UNC5B: variants seen among roughly 807,000 people sequenced by gnomAD.
UNC5B encodes netrin receptor UNC5B.
Under a neutral mutation model 103.7 loss-of-function variants are expected in UNC5B, and 56 were observed. The observed-to-expected ratio is 0.54, with a 90% confidence interval of 0.44 to 0.67. The LOEUF (loss-of-function observed/expected upper bound fraction) is 0.67. UNC5B is among the 30% of genes least tolerant of loss of function. The pLI is 0.00. For missense variants in UNC5B, 1,194 were observed against 1,284.5 expected, an observed-to-expected ratio of 0.93 and a Z score of 1.08; for synonymous variants, 577 against 542.0, an observed-to-expected ratio of 1.06 and a Z score of -0.90.
rs763723775 is a variant in UNC5B, at chr10:71,293,399, C to T, written c.1773-6C>T. The stretch of plus-strand genomic sequence containing the variant: ...TGCCTCTCTCCTACCCTGTGTCCTC[C>T]TCCAGCCCGCTTTCAGAAGGGACCC... On this transcript the variant is annotated splice_polypyrimidine_tract_variant and splice_region_variant and intron_variant, in intron 11 of 16. Coordinates refer to ENST00000335350, the MANE Select transcript of UNC5B (RefSeq NM_170744.5). 2.5e-6 allele frequency: 4 copies of T among 1,610,282 alleles called. No individual in the cohort carries two copies. Among genetic ancestry groups the T allele is most frequent in the Admixed American group, 1.7e-5 (1 of 59,768 alleles).
At chr10:71,273,180 C>T (rs1432362514) in intron 1 of UNC5B, among the ~76,000 whole-genome samples, 1 of 152,268 alleles carries the variant, frequency 6.6e-6, no homozygotes, top group African/African-American at 2.4e-5. Flanking sequence ...TGAGCCGCCG[C>T]GCCCGGCCCA....
At chr10:71,271,866 G>A (rs768385359) in intron 1 of UNC5B, among the ~76,000 whole-genome samples, 1 of 152,230 alleles carries the variant, frequency 6.6e-6, no homozygotes, top group Non-Finnish European at 1.5e-5. Flanking sequence ...TGCAGAGGGT[G>A]TGGGAAGAGG....
intron 1 of UNC5B, among the ~76,000 whole-genome samples, chr10:71,225,231 C>T (rs969907892): frequency 3.3e-5 from 5 of 149,764 alleles, no homozygotes; most frequent in African/African-American, 1.2e-4. Context: ...TGAGAAAACA[C>T]CCAGAGAGGT....
intron 2 of UNC5B, among the ~76,000 whole-genome samples, chr10:71,282,837 C>T (rs1844965243): frequency 6.6e-6 from 1 of 151,788 alleles, no homozygotes; most frequent in Non-Finnish European, 1.5e-5. Flanking sequence ...AGTTGTGGGG[C>T]CGGGCGCAGT....
At position 71,296,530 on chromosome 10, in the gene UNC5B, A is replaced by G. The variant is rs370926215; in HGVS notation, c.2326-48A>G. ...CCTGAGCCTCCATTTCTATGAGGAC[A>G]GGGCAGGCTGGCCTTGCCTGCCTGG... On this transcript the variant is annotated intron_variant, in intron 14 of 16. Coordinates refer to ENST00000335350, the MANE Select transcript of UNC5B (RefSeq NM_170744.5). The G allele has an allele frequency of 9.4e-6, 15 of 1,599,212 alleles. No homozygotes were observed. The African/African-American group carries it at 1.9e-4, about 20-fold the overall frequency.
chr10:71,249,835 TA>T (rs1293970927), intron 1 of UNC5B, among the ~76,000 whole-genome samples: 2 of 152,172 alleles, frequency 1.3e-5, no homozygotes, highest in Non-Finnish European at 2.9e-5. Context: ...AGGTCCCTCT[TA>T]GGGGCACTGG....
intron 1 of UNC5B, among the ~76,000 whole-genome samples, chr10:71,273,765 C>T (rs1468884036): frequency 6.6e-6 from 1 of 152,214 alleles, no homozygotes; most frequent in Admixed American, 6.5e-5. Context: ...TAGTGTGTTC[C>T]CTGCCCTCCA....
At chr10:71,293,652 C>A (rs781329596) in intron 12 of UNC5B, 48 bp from the exon 13 acceptor site, 2 of 1,605,918 alleles carry the variant, frequency 1.2e-6, no homozygotes, top group Non-Finnish European at 1.7e-6. Flanking sequence ...TCCTCTGGCC[C>A]AGCCTGAATA....
At chr10:71,231,780 A>T (rs1169697980) in intron 1 of UNC5B, among the ~76,000 whole-genome samples, 1 of 152,168 alleles carries the variant, frequency 6.6e-6, no homozygotes, top group Non-Finnish European at 1.5e-5. Flanking sequence ...TGTTAAAAAG[A>T]GACTAGCTTG....
intron 14 of UNC5B, 32 bp from the exon 15 acceptor site, chr10:71,296,546 G>A: frequency 6.2e-7 from 1 of 1,609,994 alleles, no homozygotes; most frequent in Non-Finnish European, 8.5e-7. Flanking sequence ...GGCTGGCCTT[G>A]CCTGCCTGGT....
chr10:71,254,991 GTTTCCTTTC>G (rs1232671113), intron 1 of UNC5B, among the ~76,000 whole-genome samples: 1 of 152,154 alleles, frequency 6.6e-6, no homozygotes, highest in African/African-American at 2.4e-5. Context: ...ATATTCGTGT[GTTTCCTTTC>G]AGGCTCATGC....
At chr10:71,249,737 TG>T (rs1488560114) in intron 1 of UNC5B, among the ~76,000 whole-genome samples, 1 of 152,086 alleles carries the variant, frequency 6.6e-6, no homozygotes, top group Non-Finnish European at 1.5e-5. Flanking sequence ...ATCTGATTGG[TG>T]GGGTAGTCCA....
intron 1 of UNC5B, among the ~76,000 whole-genome samples, chr10:71,247,963 C>T (rs1325776720): frequency 1.3e-5 from 2 of 152,212 alleles, no homozygotes; most frequent in East Asian, 3.8e-4. Flanking sequence ...TGGCAAGCTG[C>T]TGATTCACCT....
At chr10:71,291,158 G>A in intron 9 of UNC5B, 49 bp downstream of exon 9, 1 of 1,580,754 alleles carries the variant, frequency 6.3e-7, no homozygotes, top group Non-Finnish European at 8.6e-7. Flanking sequence ...AGGATACCCA[G>A]AGGGCTCTGG....
intron 1 of UNC5B, among the ~76,000 whole-genome samples, chr10:71,230,674 A>G (rs979541569): frequency 6.6e-6 from 1 of 152,206 alleles, no homozygotes; most frequent in Non-Finnish European, 1.5e-5. Context: ...AGCCTTCCCC[A>G]TAAGGGAAAT....
intron 1 of UNC5B, among the ~76,000 whole-genome samples, chr10:71,235,499 C>T (rs1426916875): frequency 6.6e-6 from 1 of 152,218 alleles, no homozygotes; most frequent in African/African-American, 2.4e-5. Flanking sequence ...GGGTTCCTTC[C>T]GTGGTCAGCG....
At chr10:71,283,636 A>G (rs1844987375) in intron 2 of UNC5B, among the ~76,000 whole-genome samples, 1 of 152,170 alleles carries the variant, frequency 6.6e-6, no homozygotes, top group Non-Finnish European at 1.5e-5. Flanking sequence ...TTCCTGGAGG[A>G]GGAAGAGGGC....
chr10:71,222,412 C>T (rs538063310), intron 1 of UNC5B, among the ~76,000 whole-genome samples: 7 of 152,322 alleles, frequency 4.6e-5, no homozygotes, highest in Admixed American at 1.3e-4. Flanking sequence ...AGGCATGATT[C>T]CACCACCTTC....
chr10:71,274,164 C>G (rs1844710009), intron 1 of UNC5B, among the ~76,000 whole-genome samples: 1 of 152,110 alleles, frequency 6.6e-6, no homozygotes, highest in African/African-American at 2.4e-5. Context: ...AGTTCAAGAC[C>G]AGCCTGGCCA....
Sources: gnomAD v4.1 joint callset for allele counts (sites outside exome capture counted in the v4.1 genomes callset) on GRCh38, gnomAD v4.1.1 for gene constraint, MANE v1.5 for transcripts, NCBI Gene and HGNC (gene_info 2026-07-23, HGNC 2026-07-21) for gene names.